The following GBF1 variants were observed in gnomAD, a reference collection of about 807,000 sequenced individuals.
The protein encoded by GBF1 is golgi brefeldin A resistant guanine nucleotide exchange factor 1.
Under a neutral mutation model 210.5 loss-of-function variants are expected in GBF1, and 114 were observed. The ratio of observed to expected loss-of-function variants is 0.54; its 90% confidence interval spans 0.47 to 0.63. GBF1 has a LOEUF of 0.63. GBF1 is among the 30% of genes least tolerant of loss of function. The probability of loss-of-function intolerance (pLI) is 0.00; values close to 1 mark genes in which losing one functional copy is unlikely to be tolerated. For missense variants in GBF1, 1,851 were observed against 2,357.7 expected (o/e 0.79, Z 4.45); for synonymous variants, 850 against 889.2 (o/e 0.96, Z 0.78).
intron 3 of GBF1, among the ~76,000 whole-genome samples, chr10:102,295,459 CACTA>C (rs926103178): frequency 4.3e-4 from 65 of 152,162 alleles, no homozygotes; most frequent in Admixed American, 3.4e-3. Context: ...GCAAATTGAG[CACTA>C]ACTAAAATTT....
the GBF1 span, chr10:102,231,933 T>C: frequency 6.3e-7 from 1 of 1,578,934 alleles, no homozygotes; most frequent in Non-Finnish European, 8.7e-7. Context: ...AGCTGTTATG[T>C]CCTGCACCCC....
chr10:102,340,267 CT>C (rs1158590447), intron 3 of GBF1, among the ~76,000 whole-genome samples: 1,144 of 83,532 alleles, frequency 0.014, 4 homozygotes, highest in African/African-American at 0.048. Context: ...TGGTCCATGC[CT>C]TTTTTTTTTT....
At chr10:102,370,953 T>C (rs2060174449) in intron 29 of GBF1, 93 bp downstream of exon 29, 3 of 1,219,388 alleles carry the variant, frequency 2.5e-6, no homozygotes, top group Non-Finnish European at 3.5e-6. Flanking sequence ...AGAGAGTACA[T>C]TTAGTGCCCC....
At chr10:102,321,921 C>T (rs1183743209) in intron 3 of GBF1, among the ~76,000 whole-genome samples, 3 of 152,206 alleles carry the variant, frequency 2.0e-5, no homozygotes, top group Admixed American at 2.0e-4. Context: ...TACAGTGGTG[C>T]AGTCACAGCT....
intron 3 of GBF1, among the ~76,000 whole-genome samples, chr10:102,341,954 C>A (rs1395334116): frequency 1.3e-5 from 2 of 152,008 alleles, no homozygotes; most frequent in Non-Finnish European, 2.9e-5. Context: ...TACCTCATGA[C>A]CACTTTTAAG....
In GBF1 at chr10:102,295,890, A is replaced by G. The variant is rs374200386; in HGVS notation, c.163+35774A>G. 8.5e-5 allele frequency among the ~76,000 whole-genome samples: 13 copies of G among 152,276 alleles called. No homozygotes were observed. In the East Asian group the frequency reaches 1.9e-3, roughly 23 times the overall value. On this transcript the variant is annotated intron_variant, in intron 3 of 39. Transcript: ENST00000369983. The stretch of plus-strand genomic sequence containing the variant: ...TCCATTGAATAAATATGTATTTGTT[A>G]TTATACATATTTATTTGTTTGGCAT...
At chr10:102,240,691 G>C (rs764310372), upstream of GBF1, among the ~76,000 whole-genome samples, 18 of 152,222 alleles carry the variant, frequency 1.2e-4, no homozygotes, top group Non-Finnish European at 2.2e-4. Context: ...TTCTGAGGCG[G>C]CCTCAAGTCA....
intron 3 of GBF1, among the ~76,000 whole-genome samples, chr10:102,329,039 C>T (rs1429218950): frequency 6.6e-6 from 1 of 152,138 alleles, no homozygotes; most frequent in Non-Finnish European, 1.5e-5. Flanking sequence ...GGGGCTTGGT[C>T]TTCTACAGTG....
chr10:102,297,848 TAA>T (rs928403317), intron 3 of GBF1, among the ~76,000 whole-genome samples: 2 of 152,152 alleles, frequency 1.3e-5, no homozygotes, highest in Non-Finnish European at 2.9e-5. Context: ...CTTTCATAGG[TAA>T]AAAGTTGTTA....
rs1047535189 is a variant in GBF1, at chr10:102,381,165, G to A, written c.5212G>A (p.Ala1738Thr). 6.2e-6 allele frequency: 10 copies of A among 1,613,798 alleles called. No individual in the cohort carries two copies. Among genetic ancestry groups the A allele is most frequent in the Middle Eastern group, 1.7e-4 (1 of 6,012 alleles). ...PMEPQGQKPL[A>T]SAHLTSAAGD... ...GGAGCCTCAAGGCCAAAAGCCTCTCGCCTCAGCCCACCTGACTTCCGCTGC... is the reference window on the plus strand; with the variant it reads ...GGAGCCTCAAGGCCAAAAGCCTCTCACCTCAGCCCACCTGACTTCCGCTGC... The change falls in exon 39 of 40, where the codon GCC becomes ACC. Residue 1738 changes from alanine to threonine, a missense_variant. By Grantham distance (58) the Ala-to-Thr change is moderately conservative. Around this residue, in one of 3 missense-constraint regions of GBF1, gnomAD observed 967 missense variants for 1,247.7 expected, o/e 0.78. Coordinates refer to ENST00000369983, the MANE Select transcript of GBF1 (RefSeq NM_001377137.1).
chr10:102,321,543 A>C (rs961858071), intron 3 of GBF1, among the ~76,000 whole-genome samples: 1 of 152,182 alleles, frequency 6.6e-6, no homozygotes, highest in Non-Finnish European at 1.5e-5. Flanking sequence ...TTTTAAAATG[A>C]TACTGCAGAC....
rs531334191 is a variant in GBF1 at position 102,282,652 on chromosome 10, G to T, written c.163+22536G>T. Among the ~76,000 whole-genome samples, 3 of 152,298 alleles carry T rather than the reference G, an allele frequency of 2.0e-5. No homozygotes were observed. In the South Asian group the frequency reaches 6.2e-4, roughly 32 times the overall value. ...AAATCCTGAGTTAGCCTTGTTCCCT[G>T]GCAACAGACTTCAGGCTGCTTACTG... On this transcript the variant is annotated intron_variant, in intron 3 of 39. Transcript: ENST00000369983.
chr10:102,235,172 A>ACCCACC, the GBF1 span, among the ~76,000 whole-genome samples: 2 of 77,264 alleles, frequency 2.6e-5, no homozygotes, highest in African/African-American at 1.1e-4. Flanking sequence ...CCCTTCCCCC[A>ACCCACC]CCCCCCACCC....
intron 3 of GBF1, among the ~76,000 whole-genome samples, chr10:102,281,457 A>C (rs918880717): frequency 1.3e-5 from 2 of 151,894 alleles, no homozygotes; most frequent in African/African-American, 4.8e-5. Context: ...ATTGACTAGA[A>C]CTTTATAATT....
At chr10:102,271,747 T>TATC (rs901192985) in intron 3 of GBF1, among the ~76,000 whole-genome samples, 8 of 152,224 alleles carry the variant, frequency 5.3e-5, no homozygotes, top group African/African-American at 1.7e-4. Flanking sequence ...CTATTATTAT[T>TATC]ATCATCATTA....
At chr10:102,350,538 C>G (rs2058883527) in intron 4 of GBF1, among the ~76,000 whole-genome samples, 1 of 152,080 alleles carries the variant, frequency 6.6e-6, no homozygotes, top group South Asian at 2.1e-4. Context: ...AGCTTTGGCC[C>G]TACCTGGTTC....
At chr10:102,296,846 A>G (rs2076946961) in intron 3 of GBF1, among the ~76,000 whole-genome samples, 1 of 152,112 alleles carries the variant, frequency 6.6e-6, no homozygotes, top group Non-Finnish European at 1.5e-5. Context: ...GAAGTTCAAG[A>G]TCAAGCTGGC....
At position 102,363,528 on chromosome 10, in the gene GBF1, G is replaced by C; in HGVS notation, c.2017+132G>C. ...CCCGCCTCGCCTTCAGACTCAGAGA[G>C]AGGGAAGCAAACATATGGACCCTCA... On this transcript the variant is annotated intron_variant, in intron 16 of 39. Transcript: ENST00000369983. The surrounding 1 kb of genome is among the most constrained non-coding windows in gnomAD (Gnocchi z 4.2). 1.1e-6 allele frequency: 1 copy of C among 934,584 alleles called. No homozygotes were observed. Among genetic ancestry groups the C allele is most frequent in the Non-Finnish European group, 1.7e-6 (1 of 600,828 alleles). The allele number at this position is 934,584 out of a possible 1,614,324, so 57.9% of individuals were successfully genotyped here. A position where few individuals can be genotyped will look rare whatever the true frequency, so the allele number is the denominator to read the frequency against.
intron 3 of GBF1, among the ~76,000 whole-genome samples, chr10:102,338,382 A>G (rs1295019820): frequency 5.3e-5 from 8 of 151,684 alleles, no homozygotes; most frequent in African/African-American, 1.9e-4. Context: ...CTGAGATTAC[A>G]GGCACGTGCC....
Sources: allele counts gnomAD v4.1 joint callset (sites outside exome capture counted in the v4.1 genomes callset), GRCh38; gene constraint gnomAD v4.1.1; regional missense constraint gnomAD v4.1.1; non-coding constraint Gnocchi (gnomAD v3.1); transcripts MANE v1.5; gene names NCBI Gene and HGNC (gene_info 2026-07-23, HGNC 2026-07-21).